Variants in CSNK1G3 observed in about 807,000 individuals in gnomAD.
CSNK1G3 encodes the protein casein kinase 1 gamma 3.
In CSNK1G3, 23 loss-of-function variants were observed where a neutral mutation model predicts 64.3. The ratio of observed to expected loss-of-function variants is 0.36; its 90% CI spans 0.26 to 0.51. CSNK1G3 has a LOEUF of 0.51. Ranked by LOEUF, CSNK1G3 falls within the 20% of genes least tolerant of loss-of-function variation. The pLI is 0.96. For missense variants in CSNK1G3, 357 were observed against 510.5 expected, an observed-to-expected ratio of 0.70 and a Z score of 2.90; for synonymous variants, 158 against 162.2, an observed-to-expected ratio of 0.97 and a Z score of 0.20.
intron 5 of CSNK1G3, among the ~76,000 whole-genome samples, chr5:123,575,344 G>A (rs1788961453): frequency 6.6e-6 from 1 of 152,106 alleles, no homozygotes; most frequent in African/African-American, 2.4e-5. Context: ...CTTGGTTATT[G>A]AACTGATAAG....
chr5:123,595,169 C>T, intron 10 of CSNK1G3, 35 bp downstream of exon 11: 1 of 1,572,026 alleles, frequency 6.4e-7, no homozygotes, highest in African/African-American at 1.4e-5. Flanking sequence ...GATTATTACC[C>T]AGATTTATAC....
In CSNK1G3 at chr5:123,581,320, T is replaced by G. The variant is rs370499202; in HGVS notation, c.673+5357T>G. Among the ~76,000 whole-genome samples the G allele has an allele frequency of 4.0e-5, 6 of 150,808 alleles. No homozygotes were observed. The East Asian group carries it at 1.2e-3, about 29-fold the overall frequency. On this transcript the variant is annotated intron_variant, in intron 6 of 12. Coordinates refer to ENST00000345990, the Ensembl canonical transcript of CSNK1G3. ...TAAATAAATTTGGAGACAATTTTAT[T>G]TATACTTTGTAATAGATTCTCTTTT...
intron 6 of CSNK1G3, among the ~76,000 whole-genome samples, chr5:123,580,110 CT>C (rs2150808410): frequency 6.6e-6 from 1 of 151,996 alleles, no homozygotes; most frequent in East Asian, 1.9e-4. Context: ...AAAACATGAC[CT>C]TTTAATGTGA....
At chr5:123,553,018 A>G in intron 2 of CSNK1G3, 89 bp from the exon 3 acceptor site, 2 of 689,912 alleles carry the variant, frequency 2.9e-6, no homozygotes, top group Non-Finnish European at 2.4e-6. Flanking sequence ...AGTTAAATGT[A>G]TTATGTGCTT....
intron 6 of CSNK1G3, among the ~76,000 whole-genome samples, chr5:123,580,859 A>C (rs7721207): frequency 6.6e-6 from 1 of 151,860 alleles, no homozygotes; most frequent in Non-Finnish European, 1.5e-5. Context: ...GAATAAAAAA[A>C]CTAGGATTTG....
chr5:123,555,421 G>A (rs1228162940), intron 3 of CSNK1G3, among the ~76,000 whole-genome samples: 1 of 152,136 alleles, frequency 6.6e-6, no homozygotes, highest in African/African-American at 2.4e-5. Context: ...TGCCATAAAA[G>A]TAATCACTTG....
chr5:123,541,751 T>G (rs1248247231), intron 1 of CSNK1G3, among the ~76,000 whole-genome samples: 1 of 152,194 alleles, frequency 6.6e-6, no homozygotes, highest in Non-Finnish European at 1.5e-5. Flanking sequence ...AATAGTTTCT[T>G]GTAAACAGTT....
At chr5:123,571,140 T>C (rs984629143) in intron 4 of CSNK1G3, among the ~76,000 whole-genome samples, 1 of 152,102 alleles carries the variant, frequency 6.6e-6, no homozygotes, top group Admixed American at 6.6e-5. Context: ...GCGTGTGTGA[T>C]GTGTGTGTGT....
chr5:123,572,093 T>C (rs567992515), intron 4 of CSNK1G3, among the ~76,000 whole-genome samples: 1 of 152,340 alleles, frequency 6.6e-6, no homozygotes, highest in Non-Finnish European at 1.5e-5. Flanking sequence ...GCAGATGTCC[T>C]CACAGAGTAA....
intron 1 of CSNK1G3, among the ~76,000 whole-genome samples, chr5:123,528,492 T>A (rs1779421989): frequency 6.6e-6 from 1 of 152,192 alleles, no homozygotes; most frequent in Admixed American, 6.5e-5. Flanking sequence ...CTTTTTTTCC[T>A]TGAGGACATC....
intron 1 of CSNK1G3, among the ~76,000 whole-genome samples, chr5:123,528,242 C>A (rs1408010397): frequency 6.6e-6 from 1 of 152,024 alleles, no homozygotes; most frequent in Non-Finnish European, 1.5e-5. Context: ...TGTAAATGAC[C>A]TTTGATTTGT....
At chr5:123,579,102 A>T (rs1789741386) in intron 6 of CSNK1G3, among the ~76,000 whole-genome samples, 1 of 151,820 alleles carries the variant, frequency 6.6e-6, no homozygotes, top group South Asian at 2.1e-4. Context: ...CAACTTTCAA[A>T]TCCTGATCTT....
At position 123,545,515 on chromosome 5, in the gene CSNK1G3, G is replaced by A; in HGVS notation, c.-149G>A. ...AAAATTTTACGAATGGGATGAACAT[G>A]CTCCAGTTAATTGACTACCTACTGC... On this transcript the variant is annotated 5_prime_UTR_variant, in exon 2 of 13. An upstream start codon of the reference 5' UTR is lost. Coordinates refer to ENST00000345990, the Ensembl canonical transcript of CSNK1G3. 1.8e-6 allele frequency: 1 copy of A among 564,842 alleles called. No homozygotes were observed. Among genetic ancestry groups the A allele is most frequent in the Non-Finnish European group, 3.0e-6 (1 of 332,366 alleles). The allele number at this position is 564,842 out of a possible 1,614,324, so 35.0% of individuals were successfully genotyped here.
chr5:123,530,591 A>G (rs1224346488), intron 1 of CSNK1G3, among the ~76,000 whole-genome samples: 1 of 152,064 alleles, frequency 6.6e-6, no homozygotes, highest in Admixed American at 6.6e-5. Flanking sequence ...GTTGTCTGAG[A>G]CCCATTAAAT....
chr5:123,604,858 A>C, intron 11 of CSNK1G3, 28 bp downstream of exon 12: 1 of 1,507,278 alleles, frequency 6.6e-7, no homozygotes, highest in Admixed American at 1.8e-5. Context: ...TTGTTTTAGT[A>C]ACTTTTTGTT....
chr5:123,615,123 T>C (rs1749240562), exon 13 of CSNK1G3: 1 of 152,620 alleles, frequency 6.6e-6, no homozygotes, highest in Admixed American at 6.5e-5. Flanking sequence ...AAGCGCTTAT[T>C]TTTAAAAATG....
rs545477206 is a variant in CSNK1G3 at position 123,580,134 on chromosome 5, C to T, written c.673+4171C>T. Among the ~76,000 whole-genome samples, 64 of 151,886 alleles carry T rather than the reference C, an allele frequency of 4.2e-4. 1 individual carries two copies. The Middle Eastern group carries it at 0.01, about 24-fold the overall frequency. On this transcript the variant is annotated intron_variant, in intron 6 of 12. Transcript: ENST00000345990. ...CCTTTTAATGTGATTTTAATTTGTG[C>T]GTATCTTATTTCTGCCCTCCCTGCT...
At chr5:123,539,454 AAG>A (rs1371078074) in intron 1 of CSNK1G3, among the ~76,000 whole-genome samples, 16 of 151,536 alleles carry the variant, frequency 1.1e-4, no homozygotes, top group African/African-American at 3.4e-4. Context: ...AAAAAAAAAA[AAG>A]ATTATCCCTG....
chr5:123,616,685 C>T (rs1216217176), exon 13 of CSNK1G3: 1 of 152,318 alleles, frequency 6.6e-6, no homozygotes, highest in Admixed American at 6.6e-5. Context: ...TCAACATTGC[C>T]TGAATGTCTG....
Sources: allele counts gnomAD v4.1 joint callset (sites outside exome capture counted in the v4.1 genomes callset), GRCh38; gene constraint gnomAD v4.1.1; transcripts MANE v1.5; gene names NCBI Gene and HGNC (gene_info 2026-07-23, HGNC 2026-07-21).